Variants in CNTFR observed in about 807,000 individuals in gnomAD.
CNTFR encodes the protein ciliary neurotrophic factor receptor subunit alpha.
A neutral mutation model predicts 40.4 loss-of-function variants in CNTFR; 12 were observed. The observed-to-expected ratio is 0.30, with a 90% confidence interval of 0.19 to 0.48. The LOEUF is 0.48. CNTFR is among the 20% of genes least tolerant of loss of function. CNTFR has a pLI of 0.99. For missense variants in CNTFR, 414 were observed against 506.8 expected, an observed-to-expected ratio of 0.82 and a Z score of 1.76; for synonymous variants, 202 against 209.6, an observed-to-expected ratio of 0.96 and a Z score of 0.31.
intron 1 of CNTFR, among the ~76,000 whole-genome samples, chr9:34,583,069 C>A (rs2296939): frequency 0.029 from 4,359 of 152,272 alleles, 169 homozygotes; most frequent in East Asian, 0.083. Flanking sequence ...ATAATTACAG[C>A]CGCTCCCCCA....
chr9:34,584,937 G>A (rs1441692038), intron 1 of CNTFR, among the ~76,000 whole-genome samples: 1 of 152,156 alleles, frequency 6.6e-6, no homozygotes, highest in Non-Finnish European at 1.5e-5. Context: ...CTTCCTTTGA[G>A]CCAAACAGGG....
intron 7 of CNTFR, among the ~76,000 whole-genome samples, chr9:34,554,589 G>A (rs560171762): frequency 4.7e-4 from 72 of 152,276 alleles, no homozygotes; most frequent in African/African-American, 1.6e-3. Context: ...TGCCAGACAC[G>A]CCCTCCAGGC....
Position 34,557,206 on chromosome 9 carries a change from G to A in CNTFR, c.604+320C>T, listed in dbSNP as rs1825881540. Among the ~76,000 whole-genome samples, 1 of 151,982 alleles carries A rather than the reference G, an allele frequency of 6.6e-6. No homozygotes were observed. The highest frequency in any genetic ancestry group is 6.5e-5 in the Admixed American group (1 of 15,268). On this transcript the variant is annotated intron_variant, in intron 6 of 9. Coordinates refer to ENST00000378980, the MANE Select transcript of CNTFR (RefSeq NM_147164.3). The surrounding 1 kb of genome is among the most constrained non-coding windows in gnomAD (Gnocchi z 4.2). The stretch of plus-strand genomic sequence containing the variant: ...GCCATTAGAGTTGGGGGGGGGTGCG[G>A]TGGAGGCTGCAGCTGCACAAGGGTC...
upstream of CNTFR, among the ~76,000 whole-genome samples, chr9:34,590,627 CG>C: frequency 6.6e-6 from 1 of 152,316 alleles, no homozygotes; most frequent in Non-Finnish European, 1.5e-5. Flanking sequence ...GACACACAGC[CG>C]GGGGAGAAGC....
rs1402193635 is a variant in CNTFR, at chr9:34,559,734, T to TC, written c.320-1751dup. ...ACATTCCGAGGTCGGCCGAGAAGCC[T>TC]CCACTCCCCGCTCCTGCCACCGCTG... On this transcript the variant is annotated intron_variant, in intron 4 of 9. Transcript: ENST00000378980. Among the ~76,000 whole-genome samples the TC allele has an allele frequency of 2.6e-5, 4 of 152,116 alleles. No individual in the cohort carries two copies. The South Asian group carries it at 8.3e-4, about 31-fold the overall frequency.
Position 34,589,269 on chromosome 9 carries a change from C to T in CNTFR, c.-112+286G>A, listed in dbSNP as rs1827677450. On this transcript the variant is annotated intron_variant, in intron 1 of 9. Transcript: ENST00000378980. The surrounding 1 kb of genome is among the most constrained non-coding windows in gnomAD (Gnocchi z 4.4). ...GCGTGCAGCTGAGGGGTGGGGAGAA[C>T]AGGGACACTAGGACAAACCGCCGGA... Among the ~76,000 whole-genome samples the T allele has an allele frequency of 1.3e-5, 2 of 152,074 alleles. No homozygotes were observed. The highest frequency in any genetic ancestry group is 6.5e-5 in the Admixed American group (1 of 15,278).
chr9:34,586,542 G>A (rs534410063), intron 1 of CNTFR, among the ~76,000 whole-genome samples: 16 of 152,204 alleles, frequency 1.1e-4, no homozygotes, highest in East Asian at 5.8e-4. Flanking sequence ...TGTATGGGGC[G>A]GGGGAGATGT....
chr9:34,570,551 C>G (rs1004976177), intron 2 of CNTFR, among the ~76,000 whole-genome samples: 12 of 152,130 alleles, frequency 7.9e-5, no homozygotes. Context: ...GGCGTACACC[C>G]AGAAAAACAG....
chr9:34,559,129 G>A (rs1825966470), intron 4 of CNTFR, among the ~76,000 whole-genome samples: 1 of 152,180 alleles, frequency 6.6e-6, no homozygotes, highest in South Asian at 2.1e-4. Flanking sequence ...GACAGGAAAT[G>A]GGAGGGGGGC....
At chr9:34,578,559 A>C (rs780063211) in intron 2 of CNTFR, among the ~76,000 whole-genome samples, 21 of 152,102 alleles carry the variant, frequency 1.4e-4, no homozygotes, top group Admixed American at 1.3e-4. Context: ...AAGTGGTGAG[A>C]GATGTGGGAC....
chr9:34,584,017 T>A (rs930090999), intron 1 of CNTFR, among the ~76,000 whole-genome samples: 1 of 152,170 alleles, frequency 6.6e-6, no homozygotes, highest in Admixed American at 6.5e-5. Flanking sequence ...AAGCCCCTCA[T>A]TGGGACTCTG....
chr9:34,569,351 C>T (rs758912848), intron 2 of CNTFR, among the ~76,000 whole-genome samples: 5 of 152,048 alleles, frequency 3.3e-5, no homozygotes, highest in Non-Finnish European at 5.9e-5. Context: ...AGTGGCTACA[C>T]AATGTTGTCA....
intron 4 of CNTFR, among the ~76,000 whole-genome samples, chr9:34,559,104 C>A (rs1251287738): frequency 6.6e-6 from 1 of 152,154 alleles, no homozygotes; most frequent in African/African-American, 2.4e-5. Flanking sequence ...TCCCCCGCCC[C>A]CGGCCTGACA....
At chr9:34,562,093 C>T (rs1244577496) in intron 4 of CNTFR, among the ~76,000 whole-genome samples, 1 of 152,208 alleles carries the variant, frequency 6.6e-6, no homozygotes, top group African/African-American at 2.4e-5. Context: ...GAATGGGGGT[C>T]CAGGGTCATC....
intron 2 of CNTFR, among the ~76,000 whole-genome samples, chr9:34,580,523 C>G (rs1225839347): frequency 6.6e-6 from 1 of 152,204 alleles, no homozygotes; most frequent in Non-Finnish European, 1.5e-5. Flanking sequence ...GATGAAAAGC[C>G]CGGCCGGCCT....
intron 2 of CNTFR, among the ~76,000 whole-genome samples, chr9:34,576,009 TCA>T (rs932063473): frequency 2.0e-5 from 3 of 151,622 alleles, no homozygotes; most frequent in Non-Finnish European, 2.9e-5. Flanking sequence ...ACACACGTGC[TCA>T]CACACACACC....
intron 2 of CNTFR, among the ~76,000 whole-genome samples, chr9:34,571,111 A>C (rs1587147582): frequency 6.7e-6 from 1 of 150,252 alleles, no homozygotes; most frequent in Non-Finnish European, 1.5e-5. Context: ...GCCCCTCACC[A>C]CTCTTCAGCT....
At chr9:34,587,060 T>C (rs775197819) in intron 1 of CNTFR, among the ~76,000 whole-genome samples, 1 of 152,190 alleles carries the variant, frequency 6.6e-6, no homozygotes, top group Non-Finnish European at 1.5e-5. Flanking sequence ...TCCATCTAAG[T>C]GTGAACTCCA....
At chr9:34,575,958 C>G in intron 2 of CNTFR, among the ~76,000 whole-genome samples, 1 of 151,438 alleles carries the variant, frequency 6.6e-6, no homozygotes, top group Non-Finnish European at 1.5e-5. Context: ...GAAGCCACAG[C>G]AATCTGTTCC....
Sources: allele counts gnomAD v4.1 joint callset (sites outside exome capture counted in the v4.1 genomes callset), GRCh38; gene constraint gnomAD v4.1.1; non-coding constraint Gnocchi (gnomAD v3.1); transcripts MANE v1.5; gene names NCBI Gene and HGNC (gene_info 2026-07-23, HGNC 2026-07-21).